Variants in KCNMB2 observed in about 807,000 individuals in gnomAD.
The protein encoded by KCNMB2 is calcium-activated potassium channel subunit beta-2.
Under a neutral mutation model 24.5 loss-of-function variants are expected in KCNMB2, and 9 were observed. The ratio of observed to expected loss-of-function variants is 0.37; its 90% confidence interval spans 0.22 to 0.64. The LOEUF is 0.64. Among genes scored for constraint, KCNMB2 ranks in the 30% least tolerant of loss-of-function variants. The pLI is 0.63. For missense variants in KCNMB2, 226 were observed against 284.3 expected, an observed-to-expected ratio of 0.79 and a Z score of 1.47; for synonymous variants, 109 against 104.4, an observed-to-expected ratio of 1.04 and a Z score of -0.27.
chr3:178,756,872 A>G (rs1352705415), intron 1 of KCNMB2, among the ~76,000 whole-genome samples: 6 of 152,022 alleles, frequency 3.9e-5, no homozygotes, highest in Non-Finnish European at 8.8e-5. Context: ...CATTTTTTCC[A>G]TAATGCACAT....
At chr3:178,582,663 T>C (rs1229210411) in intron 1 of KCNMB2, among the ~76,000 whole-genome samples, 3 of 152,156 alleles carry the variant, frequency 2.0e-5, no homozygotes, top group Admixed American at 6.6e-5. Flanking sequence ...TCTTCTCACA[T>C]CTATCACTAA....
intron 1 of KCNMB2, among the ~76,000 whole-genome samples, chr3:178,757,541 T>C (rs1577155442): frequency 1.7e-5 from 1 of 57,418 alleles, no homozygotes; most frequent in African/African-American, 7.8e-5. Flanking sequence ...AGGATATATA[T>C]ATATGTATAT....
intron 1 of KCNMB2, among the ~76,000 whole-genome samples, chr3:178,655,143 T>A (rs1720287067): frequency 8.7e-6 from 1 of 114,758 alleles, no homozygotes; most frequent in Admixed American, 7.8e-5. Context: ...TCTCTCTCTC[T>A]ATCTCTATTT....
intron 1 of KCNMB2, among the ~76,000 whole-genome samples, chr3:178,758,005 ATATATATATATATAT>A (rs1193412461): frequency 0.55 from 3,747 of 6,804 alleles, 1,152 homozygotes; most frequent in African/African-American, 0.58. Context: ...ATATCTAGAT[ATATATATATATATAT>A]CTAGAGGATA....
rs369138899 is a variant in KCNMB2, at chr3:178,628,869, C to A, written c.-68+92158C>A. On this transcript the variant is annotated intron_variant, in intron 1 of 4. Coordinates refer to ENST00000452583, the MANE Select transcript of KCNMB2 (RefSeq NM_181361.3). Reference sequence around the variant, plus strand: ...TATATTATAGCCATTATATTTATATCTAAGAAAACACATACTTGGTTTTAA... The same window carrying A: ...TATATTATAGCCATTATATTTATATATAAGAAAACACATACTTGGTTTTAA... Among the ~76,000 whole-genome samples, 43 of 152,236 alleles carry A rather than the reference C, an allele frequency of 2.8e-4. 1 individual carries two copies. The South Asian group carries it at 8.5e-3, about 30-fold the overall frequency.
At chr3:178,731,085 A>G (rs1354767092) in intron 1 of KCNMB2, among the ~76,000 whole-genome samples, 1 of 152,042 alleles carries the variant, frequency 6.6e-6, no homozygotes, top group Non-Finnish European at 1.5e-5. Context: ...TTATTAAAAG[A>G]TGGCTTTTAA....
intron 1 of KCNMB2, among the ~76,000 whole-genome samples, chr3:178,638,716 A>C (rs921514305): frequency 6.6e-6 from 1 of 152,238 alleles, no homozygotes; most frequent in Non-Finnish European, 1.5e-5. Context: ...ACAGATATGA[A>C]AGAAATTACA....
At position 178,814,821 on chromosome 3, in the gene KCNMB2, GT is replaced by G. The variant is rs911250976; in HGVS notation, c.56+7360del. On this transcript the variant is annotated intron_variant, in intron 2 of 4. Coordinates refer to ENST00000452583, the MANE Select transcript of KCNMB2 (RefSeq NM_181361.3). ...TTGTCCACTTTTCAATGGGTTATTTGTTTTCTCCTTGTTGATTTGTTTAACT... is the reference window on the plus strand; with the variant it reads ...TTGTCCACTTTTCAATGGGTTATTTGTTTCTCCTTGTTGATTTGTTTAACT... Among the ~76,000 whole-genome samples the G allele has an allele frequency of 3.3e-3, 496 of 152,058 alleles. 6 individuals are homozygous for G. The highest frequency in any genetic ancestry group is 0.011 in the African/African-American group (460 of 41,492).
At chr3:178,810,493 G>C (rs1221903988) in intron 2 of KCNMB2, among the ~76,000 whole-genome samples, 1 of 152,144 alleles carries the variant, frequency 6.6e-6, no homozygotes, top group Non-Finnish European at 1.5e-5. Context: ...AAACTTCAGT[G>C]GAAGGAAAAG....
At chr3:178,697,735 G>A (rs1721933505) in intron 1 of KCNMB2, among the ~76,000 whole-genome samples, 2 of 152,264 alleles carry the variant, frequency 1.3e-5, no homozygotes, top group South Asian at 4.1e-4. Context: ...CGTAGTGGCT[G>A]GTAATGGTCT....
chr3:178,817,812 T>A (rs1714467848), intron 2 of KCNMB2, among the ~76,000 whole-genome samples: 1 of 152,208 alleles, frequency 6.6e-6, no homozygotes, highest in South Asian at 2.1e-4. Context: ...AGCCTCCCTA[T>A]AACTGGCTAT....
chr3:178,784,874 T>TAAAAA (rs67483966), intron 1 of KCNMB2, among the ~76,000 whole-genome samples: 1 of 121,394 alleles, frequency 8.2e-6, no homozygotes, highest in Admixed American at 8.7e-5. Context: ...CCTGAAGCCT[T>TAAAAA]AAAAAAAAAA....
intron 1 of KCNMB2, among the ~76,000 whole-genome samples, chr3:178,704,637 T>C (rs1020318339): frequency 1.3e-5 from 2 of 152,138 alleles, no homozygotes; most frequent in African/African-American, 4.8e-5. Context: ...GGAAATCTGT[T>C]TTTAAAGATA....
chr3:178,775,205 G>T (rs1712530653), intron 1 of KCNMB2, among the ~76,000 whole-genome samples: 1 of 152,106 alleles, frequency 6.6e-6, no homozygotes, highest in Admixed American at 6.5e-5. Flanking sequence ...AATATTCACT[G>T]CCAAATCATA....
chr3:178,691,107 C>CTATTTT (rs1721657657), intron 1 of KCNMB2, among the ~76,000 whole-genome samples: 1 of 79,688 alleles, frequency 1.3e-5, no homozygotes, highest in Admixed American at 1.5e-4. Flanking sequence ...CCCATTAAGT[C>CTATTTT]TTTTTTTTTT....
chr3:178,674,011 T>C (rs4516593), intron 1 of KCNMB2, among the ~76,000 whole-genome samples: 109,178 of 152,098 alleles, frequency 0.72, 39,705 homozygotes, highest in African/African-American at 0.86. Flanking sequence ...TATCAATTCC[T>C]AGGCCTCCTT....
At chr3:178,693,307 A>G (rs1249363190) in intron 1 of KCNMB2, among the ~76,000 whole-genome samples, 1 of 152,154 alleles carries the variant, frequency 6.6e-6, no homozygotes, top group African/African-American at 2.4e-5. Context: ...GCAGTGAGAA[A>G]GGGTATCTTT....
At chr3:178,670,193 A>G (rs978069533) in intron 1 of KCNMB2, among the ~76,000 whole-genome samples, 2 of 152,148 alleles carry the variant, frequency 1.3e-5, no homozygotes, top group African/African-American at 4.8e-5. Flanking sequence ...AAGACACTCA[A>G]AGCAGGTTTC....
intron 1 of KCNMB2, among the ~76,000 whole-genome samples, chr3:178,709,266 G>A (rs1351694782): frequency 1.2e-4 from 19 of 152,150 alleles, no homozygotes; most frequent in Admixed American, 1.0e-3. Context: ...CTGTGAACGC[G>A]AAACAGAAAA....
Sources: gnomAD v4.1 joint callset for allele counts (sites outside exome capture counted in the v4.1 genomes callset) on GRCh38, gnomAD v4.1.1 for gene constraint, MANE v1.5 for transcripts, NCBI Gene and HGNC (gene_info 2026-07-23, HGNC 2026-07-21) for gene names.